The following COL18A1 variants were observed in gnomAD, a reference collection of about 807,000 sequenced individuals.
The protein encoded by COL18A1 is collagen type XVIII alpha 1 chain, also known as collagen alpha-1(XVIII) chain.
COL18A1 carries 133 observed loss-of-function variants against 168.0 expected under a neutral mutation model. The ratio of observed to expected loss-of-function variants is 0.79; its 90% CI spans 0.69 to 0.91. The LOEUF (loss-of-function observed/expected upper bound fraction) is 0.91. Ranked by LOEUF, COL18A1 falls within the 40% of genes least tolerant of loss-of-function variation. The probability of loss-of-function intolerance (pLI) is 0.00; values close to 1 mark genes in which losing one functional copy is unlikely to be tolerated. For synonymous variants in COL18A1, 949 were observed against 809.0 expected (o/e 1.17, Z -2.94); for missense variants, 2,126 against 1,925.4 (o/e 1.10, Z -1.95).
At chr21:45,428,713 G>A (rs866741526) in intron 2 of COL18A1, among the ~76,000 whole-genome samples, 2 of 152,086 alleles carry the variant, frequency 1.3e-5, no homozygotes, top group African/African-American at 2.4e-5. Flanking sequence ...CCCGCAGTGC[G>A]AGGCCTTTTG....
chr21:45,405,314 C>CTCGGCCGGGTCCTGCGGGGGTCGCGGGGG (rs1569270252), intron 1 of COL18A1, 65 bp from the exon 2 acceptor site: 6 of 368,994 alleles, frequency 1.6e-5, no homozygotes, highest in Non-Finnish European at 1.7e-5. Context: ...GGTCGCGGGG[C>CTCGGCCGGGTCCTGCGGGGGTCGCGGGGG]TCGGCCGGGT....
At chr21:45,449,774 G>A (rs1197462310) in intron 2 of COL18A1, among the ~76,000 whole-genome samples, 1 of 152,230 alleles carries the variant, frequency 6.6e-6, no homozygotes, top group South Asian at 2.1e-4. Context: ...CACTGAATCT[G>A]CAGGTGGCGG....
In COL18A1 at chr21:45,492,554, C is replaced by T. The variant is rs758130407; in HGVS notation, c.2177C>T (p.Pro726Leu). Reference sequence around the variant, plus strand: ...GGACAGGGATCCGTCCTGAGCGTGCCGGGACCTGAGGTATGTGCCTGCCCA... The same window carrying T: ...GGACAGGGATCCGTCCTGAGCGTGCTGGGACCTGAGGTATGTGCCTGCCCA... ...SEQDGSVLSVPGPEGRPGFAG... is the reference protein window; with the variant it reads ...SEQDGSVLSVLGPEGRPGFAG... Residue 726 changes from proline (P) to leucine (L), a missense_variant, in exon 23 of 42, where the codon CCG becomes CTG. By Grantham distance (98) the Pro-to-Leu change is moderately conservative. Coordinates refer to ENST00000651438, the MANE Select transcript of COL18A1 (RefSeq NM_001379500.1). 32 of 1,613,110 alleles carry T rather than the reference C, an allele frequency of 2.0e-5. No individual in the cohort carries two copies. Among genetic ancestry groups the T allele is most frequent in the Non-Finnish European group, 2.4e-5 (28 of 1,180,016 alleles).
chr21:45,472,131 C>T (rs1437027455), intron 3 of COL18A1, among the ~76,000 whole-genome samples: 2 of 152,088 alleles, frequency 1.3e-5, no homozygotes, highest in Non-Finnish European at 2.9e-5. Context: ...GTGTGGGGAT[C>T]GGGTGTCAGG....
At chr21:45,459,656 G>T (rs564482680) in intron 2 of COL18A1, among the ~76,000 whole-genome samples, 9 of 152,338 alleles carry the variant, frequency 5.9e-5, no homozygotes, top group African/African-American at 1.7e-4. Flanking sequence ...CCCTGTGGAG[G>T]GTTTTGCTGT....
chr21:45,489,236 G>A (rs1201386256), intron 18 of COL18A1, among the ~76,000 whole-genome samples: 1 of 152,210 alleles, frequency 6.6e-6, no homozygotes, highest in Non-Finnish European at 1.5e-5. Flanking sequence ...TCCTCTTGCA[G>A]TCTGCAGTCC....
intron 2 of COL18A1, among the ~76,000 whole-genome samples, chr21:45,454,912 G>A (rs1212956606): frequency 6.6e-6 from 1 of 152,246 alleles, no homozygotes; most frequent in Non-Finnish European, 1.5e-5. Flanking sequence ...GAGGGACACA[G>A]TCCAAGGCAG....
intron 2 of COL18A1, chr21:45,455,394 A>G (rs1197847500): frequency 8.0e-6 from 10 of 1,250,512 alleles, no homozygotes; most frequent in Non-Finnish European, 2.3e-6. Context: ...TCCTTCTGCA[A>G]GAGTGGGGGG....
In COL18A1 at chr21:45,510,308, G is replaced by C. The variant is rs776064909; in HGVS notation, c.3693+47G>C. Reference sequence around the variant, plus strand: ...GGCGCGGGCTCCTCGGCCCCCACTTGACCTCTGGGGTGAACTCCCAGCGGG... The same window carrying C: ...GGCGCGGGCTCCTCGGCCCCCACTTCACCTCTGGGGTGAACTCCCAGCGGG... On this transcript the variant is annotated intron_variant, in intron 40 of 41. Coordinates refer to ENST00000651438, the MANE Select transcript of COL18A1 (RefSeq NM_001379500.1). 18 of 1,548,564 alleles carry C rather than the reference G, an allele frequency of 1.2e-5. No individual in the cohort carries two copies. The East Asian group carries it at 4.4e-4, about 38-fold the overall frequency.
intron 16 of COL18A1, 65 bp from the exon 17 acceptor site, chr21:45,487,382 C>T: frequency 1.3e-6 from 2 of 1,590,600 alleles, no homozygotes; most frequent in Non-Finnish European, 1.7e-6. Context: ...GCAGTGCCAC[C>T]CCAGGGAGGG....
chr21:45,492,206 G>T (rs1359208620), intron 22 of COL18A1, among the ~76,000 whole-genome samples: 1 of 152,200 alleles, frequency 6.6e-6, no homozygotes, highest in African/African-American at 2.4e-5. Context: ...CGGCGTGACG[G>T]TCAAGACATC....
chr21:45,421,244 C>T, intron 2 of COL18A1: 1 of 365,258 alleles, frequency 2.7e-6, no homozygotes, highest in Non-Finnish European at 5.5e-6. Flanking sequence ...TTGCTTTGAG[C>T]CCCTTGCAAA....
chr21:45,481,358 C>T (rs371178339), intron 13 of COL18A1, among the ~76,000 whole-genome samples: 1 of 152,100 alleles, frequency 6.6e-6, no homozygotes. Context: ...ACATGATGGG[C>T]AGCAGGTCAT....
chr21:45,449,302 C>T lies in COL18A1; in HGVS notation c.107-18940C>T, dbSNP rs915184917. On this transcript the variant is annotated intron_variant, in intron 2 of 41. Transcript: ENST00000651438. ...GAGAAGAGGCAGGCTGCCCGCTGAGCGCCAGGCTGTGCTTGGCATTAATTT... is the reference window on the plus strand; with the variant it reads ...GAGAAGAGGCAGGCTGCCCGCTGAGTGCCAGGCTGTGCTTGGCATTAATTT... 4.6e-5 allele frequency among the ~76,000 whole-genome samples: 7 copies of T among 152,298 alleles called. No homozygotes were observed. The East Asian group carries it at 7.7e-4, about 17-fold the overall frequency.
At chr21:45,475,897 C>T (rs1022352232) in intron 5 of COL18A1, among the ~76,000 whole-genome samples, 1 of 152,240 alleles carries the variant, frequency 6.6e-6, no homozygotes, top group African/African-American at 2.4e-5. Context: ...GCCTGACGAC[C>T]AGGAGGAGAA....
chr21:45,418,383 C>T (rs2033508572), intron 2 of COL18A1, among the ~76,000 whole-genome samples: 1 of 152,104 alleles, frequency 6.6e-6, no homozygotes, highest in Non-Finnish European at 1.5e-5. Flanking sequence ...GTGCTGGGCT[C>T]ATTCTTCCCA....
Position 45,492,723 on chromosome 21 carries a change from C to G in COL18A1, c.2214+10C>G, listed in dbSNP as rs1486536087. 1.3e-6 allele frequency: 2 copies of G among 1,508,754 alleles called. No individual in the cohort carries two copies. The highest frequency in any genetic ancestry group is 4.6e-5 in the East Asian group (2 of 43,650). The allele number at this position is 1,508,754 out of a possible 1,614,324, so 93.5% of individuals were successfully genotyped here. On this transcript the variant is annotated intron_variant, in intron 24 of 41. Transcript: ENST00000651438. ...TTTCGCAGGCTTTCCCGTGAGTAAC[C>G]TGGTGCCAGAGCTGCATGCTGCCCG...
rs908599856 is a variant in COL18A1, at chr21:45,476,625, C to T, written c.928+145C>T. The T allele has an allele frequency of 2.0e-5, 21 of 1,050,478 alleles. No individual in the cohort carries two copies. The Middle Eastern group carries it at 7.6e-4, about 38-fold the overall frequency. The allele number at this position is 1,050,478 out of a possible 1,614,324, so 65.1% of individuals were successfully genotyped here. On this transcript the variant is annotated intron_variant, in intron 6 of 41. Coordinates refer to ENST00000651438, the MANE Select transcript of COL18A1 (RefSeq NM_001379500.1). The stretch of plus-strand genomic sequence containing the variant: ...TGGTACATGTGTGTGTGATATGGCA[C>T]GTGTTTGTGTGAAATATATGGCAGG...
rs187301841 is a variant in COL18A1, at chr21:45,449,819, T to C, written c.107-18423T>C. 2.2e-3 allele frequency among the ~76,000 whole-genome samples: 339 copies of C among 152,160 alleles called. 1 individual carries two copies. Among genetic ancestry groups the C allele is most frequent in the African/African-American group, 7.9e-3 (327 of 41,522 alleles). On this transcript the variant is annotated intron_variant, in intron 2 of 41. Coordinates refer to ENST00000651438, the MANE Select transcript of COL18A1 (RefSeq NM_001379500.1). ...ATGCCGCTGGCCGGGTTGTGCCCGG[T>C]GGCCAGGTCTGGTGAGAGGTCCCGG...
Sources: allele counts gnomAD v4.1 joint callset (sites outside exome capture counted in the v4.1 genomes callset), GRCh38; gene constraint gnomAD v4.1.1; transcripts MANE v1.5; gene names NCBI Gene and HGNC (gene_info 2026-07-23, HGNC 2026-07-21).